ZFYVE9: variants seen among roughly 807,000 people sequenced by gnomAD.
The protein encoded by ZFYVE9 is zinc finger FYVE domain-containing protein 9.
Under a neutral mutation model 126.7 loss-of-function variants are expected in ZFYVE9, and 43 were observed. The observed-to-expected ratio is 0.34, with a 90% CI of 0.27 to 0.44. The LOEUF is 0.44. Ranked by LOEUF, ZFYVE9 falls within the 20% of genes least tolerant of loss-of-function variation. The pLI is 1.00. For synonymous variants in ZFYVE9, 521 were observed against 597.4 expected (o/e 0.87, Z 1.87); for missense variants, 1,476 against 1,697.0 (o/e 0.87, Z 2.29).
chr1:52,253,669 G>A (rs1645474286), intron 4 of ZFYVE9: 8 of 1,594,330 alleles, frequency 5.0e-6, no homozygotes, highest in African/African-American at 2.7e-5. Flanking sequence ...TGAGCAGTTG[G>A]AAAAGACTGG....
chr1:52,180,632 T>C (rs1281878459), intron 1 of ZFYVE9: 2 of 488,446 alleles, frequency 4.1e-6, no homozygotes, highest in Non-Finnish European at 7.4e-6. Context: ...TGAATTCTTC[T>C]GGTTTTTAGT....
At chr1:52,281,981 G>A (rs1360852093) in intron 10 of ZFYVE9, among the ~76,000 whole-genome samples, 165 bp downstream of exon 10, 1 of 152,142 alleles carries the variant, frequency 6.6e-6, no homozygotes, top group Non-Finnish European at 1.5e-5. Context: ...ATAAATTTTA[G>A]TATTGTACCT....
chr1:52,240,771 A>T (rs1344632296), intron 4 of ZFYVE9, among the ~76,000 whole-genome samples: 1 of 152,000 alleles, frequency 6.6e-6, no homozygotes, highest in Non-Finnish European at 1.5e-5. Context: ...TACTCTTGGC[A>T]CCCTCTTATC....
At chr1:52,334,976 G>A (rs1046666057) in intron 15 of ZFYVE9, 8 of 420,674 alleles carry the variant, frequency 1.9e-5, no homozygotes, top group African/African-American at 1.6e-4. Flanking sequence ...TTAAAACTAG[G>A]AGATGGCCTT....
intron 4 of ZFYVE9, among the ~76,000 whole-genome samples, chr1:52,251,524 A>T (rs1645446553): frequency 6.6e-6 from 1 of 152,126 alleles, no homozygotes; most frequent in Non-Finnish European, 1.5e-5. Context: ...CATAAGTTGA[A>T]TTATCCTTGC....
At chr1:52,215,723 G>T (rs1041205470) in intron 1 of ZFYVE9, among the ~76,000 whole-genome samples, 2 of 152,104 alleles carry the variant, frequency 1.3e-5, no homozygotes, top group Non-Finnish European at 2.9e-5. Context: ...AGCAGTTATA[G>T]TTGGGCTACC....
chr1:52,183,194 G>A (rs7518690), intron 1 of ZFYVE9, among the ~76,000 whole-genome samples: 2,901 of 152,302 alleles, frequency 0.019, 85 homozygotes, highest in African/African-American at 0.066. Flanking sequence ...TTTACAGACC[G>A]TAAAAGGGAA....
rs961557582 is a variant in ZFYVE9 at position 52,328,381 on chromosome 1, A to G, written c.3439-4387A>G. Among the ~76,000 whole-genome samples, 11 of 152,348 alleles carry G rather than the reference A, an allele frequency of 7.2e-5. No homozygotes were observed. The East Asian group carries it at 2.1e-3, about 29-fold the overall frequency. On this transcript the variant is annotated intron_variant, in intron 13 of 18. Coordinates refer to ENST00000287727, the MANE Select transcript of ZFYVE9 (RefSeq NM_004799.4). ...CCAAAATGGATAGTCAAATATTTAT[A>G]TCATTATATGACTAGTGTAAGTTTG...
At chr1:52,302,186 G>C (rs1347722745) in intron 12 of ZFYVE9, among the ~76,000 whole-genome samples, 1 of 151,940 alleles carries the variant, frequency 6.6e-6, no homozygotes, top group East Asian at 1.9e-4. Context: ...CTGCTTCTTT[G>C]AATGTTTGGT....
chr1:52,306,366 G>A (rs1037234635), intron 13 of ZFYVE9, among the ~76,000 whole-genome samples: 5 of 152,100 alleles, frequency 3.3e-5, no homozygotes, highest in African/African-American at 1.2e-4. Context: ...CTCCAGGGCC[G>A]CCTCTCTGCT....
intron 1 of ZFYVE9, chr1:52,163,168 G>GT (rs1298114107): frequency 3.4e-5 from 7 of 206,556 alleles, no homozygotes; most frequent in Admixed American, 6.3e-5. Flanking sequence ...CTTCTGTTCA[G>GT]TTTTTTCCCC....
chr1:52,298,806 G>GTTTTTT (rs747544817), intron 12 of ZFYVE9, among the ~76,000 whole-genome samples: 19 of 109,168 alleles, frequency 1.7e-4, no homozygotes, highest in Non-Finnish European at 2.7e-4. Context: ...CTTTGTCAAT[G>GTTTTTT]TTTTTTTTTT....
intron 1 of ZFYVE9, among the ~76,000 whole-genome samples, chr1:52,157,022 C>T (rs190123587): frequency 8.6e-5 from 13 of 152,046 alleles, no homozygotes; most frequent in Admixed American, 3.3e-4. Flanking sequence ...TTAGTAGAGA[C>T]GGGGTTTCAC....
intron 3 of ZFYVE9, 57 bp downstream of exon 3, chr1:52,233,333 A>G: frequency 1.6e-6 from 2 of 1,267,722 alleles, no homozygotes; most frequent in Middle Eastern, 2.0e-4. Flanking sequence ...ATGTGGGGAT[A>G]TAAGAGGATG....
chr1:52,212,499 A>C (rs1255089579), intron 1 of ZFYVE9, among the ~76,000 whole-genome samples: 1 of 152,214 alleles, frequency 6.6e-6, no homozygotes, highest in Non-Finnish European at 1.5e-5. Flanking sequence ...GATATATTTT[A>C]TAGAGAAATG....
chr1:52,189,694 A>T (rs201743196), intron 1 of ZFYVE9, among the ~76,000 whole-genome samples: 7 of 119,902 alleles, frequency 5.8e-5, no homozygotes, highest in Non-Finnish European at 9.4e-5. Flanking sequence ...TTTTTTTTTT[A>T]AACTTGTGCT....
At chr1:52,199,823 C>CA (rs929545610) in intron 1 of ZFYVE9, among the ~76,000 whole-genome samples, 29 of 152,326 alleles carry the variant, frequency 1.9e-4, no homozygotes, top group Non-Finnish European at 3.5e-4. Flanking sequence ...CTGTTGCACC[C>CA]ACATCCTCTC....
intron 10 of ZFYVE9, among the ~76,000 whole-genome samples, chr1:52,286,398 T>C (rs1347392182): frequency 6.6e-6 from 1 of 152,206 alleles, no homozygotes; most frequent in Non-Finnish European, 1.5e-5. Context: ...CATATGTGTG[T>C]TGTATATCTA....
At chr1:52,281,278 G>A (rs1319845380) in intron 9 of ZFYVE9, among the ~76,000 whole-genome samples, 1 of 151,340 alleles carries the variant, frequency 6.6e-6, no homozygotes, top group Non-Finnish European at 1.5e-5. Flanking sequence ...GACTACAGGC[G>A]CCCGCCACTG....
Sources: gnomAD v4.1 joint callset for allele counts (sites outside exome capture counted in the v4.1 genomes callset) on GRCh38, gnomAD v4.1.1 for gene constraint, MANE v1.5 for transcripts, NCBI Gene and HGNC (gene_info 2026-07-23, HGNC 2026-07-21) for gene names.